Variants in BTG4 observed in about 807,000 individuals in gnomAD.
BTG4 encodes the protein protein BTG4.
In BTG4, 10 loss-of-function variants were observed where a neutral mutation model predicts 19.3. That is an observed-to-expected ratio of 0.52 (90% CI 0.32 to 0.88). BTG4 has a LOEUF of 0.88. Ranked by LOEUF, BTG4 falls within the 40% of genes least tolerant of loss-of-function variation. BTG4 has a pLI of 0.04. For missense variants in BTG4, 238 were observed against 281.9 expected (o/e 0.84, Z 1.11); for synonymous variants, 91 against 95.7 (o/e 0.95, Z 0.29).
At chr11:111,513,087 A>T, upstream of BTG4, 1 of 436,380 alleles carries the variant, frequency 2.3e-6, no homozygotes, top group Middle Eastern at 5.2e-4. Flanking sequence ...TCGAGAGAAG[A>T]TGCCTGAGAA....
intron 1 of BTG4, among the ~76,000 whole-genome samples, chr11:111,506,953 T>A (rs1262389939): frequency 2.6e-5 from 4 of 152,048 alleles, no homozygotes; most frequent in African/African-American, 7.2e-5. Flanking sequence ...AAGGACAATG[T>A]GAACTTTACT....
At chr11:111,420,929 A>G in the BTG4 span, among the ~76,000 whole-genome samples, 92 of 152,354 alleles carry the variant, frequency 6.0e-4, no homozygotes, top group African/African-American at 2.1e-3. Context: ...ATGGAACACA[A>G]TCTTGGAGGT....
chr11:111,495,367 A>G, intron 4 of BTG4, 53 bp from the exon 5 acceptor site: 1 of 1,458,410 alleles, frequency 6.9e-7, no homozygotes, highest in Admixed American at 1.9e-5. Flanking sequence ...AGGACTAAAT[A>G]TGAACCCATA....
chr11:111,497,148 G>A, intron 4 of BTG4, 63 bp downstream of exon 4: 1 of 1,401,754 alleles, frequency 7.1e-7, no homozygotes, highest in Non-Finnish European at 9.9e-7. Flanking sequence ...TTTTCATAAT[G>A]AGTGCATTCT....
the BTG4 span, among the ~76,000 whole-genome samples, chr11:111,429,340 G>C: frequency 6.6e-6 from 1 of 152,132 alleles, no homozygotes; most frequent in Non-Finnish European, 1.5e-5. Flanking sequence ...GGCAATAAAT[G>C]GGTAACTGGC....
intron 5 of BTG4, chr11:111,475,126 T>C (rs1411471921): frequency 6.6e-6 from 1 of 152,648 alleles, no homozygotes; most frequent in African/African-American, 2.4e-5. Context: ...TAATCTCATT[T>C]CAGTCTGCAT....
At chr11:111,392,001 A>G in the BTG4 span, among the ~76,000 whole-genome samples, 1 of 152,084 alleles carries the variant, frequency 6.6e-6, no homozygotes, top group Non-Finnish European at 1.5e-5. Context: ...CACTCAATAA[A>G]TGTTTGCTGG....
intron 5 of BTG4, among the ~76,000 whole-genome samples, chr11:111,486,357 C>T (rs894986312): frequency 2.6e-5 from 4 of 152,096 alleles, no homozygotes; most frequent in Non-Finnish European, 5.9e-5. Flanking sequence ...ATTGCTTGAG[C>T]CTGGGAGGCA....
At chr11:111,459,729 C>T in the BTG4 span, 1 of 152,640 alleles carries the variant, frequency 6.6e-6, no homozygotes, top group Non-Finnish European at 1.5e-5. Context: ...GGGCATGGAG[C>T]ATGATGAGAA....
At chr11:111,511,746 G>A (rs1405029532) in intron 1 of BTG4, among the ~76,000 whole-genome samples, 1 of 152,082 alleles carries the variant, frequency 6.6e-6, no homozygotes, top group East Asian at 1.9e-4. Flanking sequence ...CTGTTTTTCT[G>A]GCATCCACAG....
intron 5 of BTG4, among the ~76,000 whole-genome samples, chr11:111,468,275 T>C (rs902453145): frequency 9.2e-5 from 14 of 152,348 alleles, no homozygotes; most frequent in African/African-American, 3.4e-4. Context: ...TCCCATTTTA[T>C]GGATGGGTAA....
At chr11:111,512,907 A>G (rs1673620078), upstream of BTG4, 1 of 433,822 alleles carries the variant, frequency 2.3e-6, no homozygotes, top group Non-Finnish European at 4.7e-6. Context: ...GGCGCTGCGG[A>G]CCGTCCGGGA....
At chr11:111,499,192 T>C (rs1391874106) in intron 1 of BTG4, among the ~76,000 whole-genome samples, 1 of 152,226 alleles carries the variant, frequency 6.6e-6, no homozygotes, top group Non-Finnish European at 1.5e-5. Context: ...TTCCAAAATG[T>C]GGCTCCAAGT....
At chr11:111,462,586 T>C (rs1863463058), downstream of BTG4, among the ~76,000 whole-genome samples, 2 of 152,210 alleles carry the variant, frequency 1.3e-5, no homozygotes, top group African/African-American at 4.8e-5. Context: ...ACCTGCAGGT[T>C]CCCCTGACTC....
In BTG4 at chr11:111,512,246, G is replaced by T. The variant is rs971364490; in HGVS notation, c.-92C>A. 1 of 152,264 alleles carries T rather than the reference G, an allele frequency of 6.6e-6. No individual in the cohort carries two copies. The highest frequency in any genetic ancestry group is 1.5e-5 in the Non-Finnish European group (1 of 68,074). 9.4% of individuals were successfully genotyped at this position (152,264 alleles called of 1,614,324 possible). ...TGGGTAGGCTGGGGGCCTTCTTGGG[G>T]AATGAGGGAGTGGAGGAGCTCTTTG... On this transcript the variant is annotated 5_prime_UTR_variant, in exon 1 of 5. Transcript: ENST00000692032.
At chr11:111,508,733 C>T (rs1438882976) in intron 1 of BTG4, among the ~76,000 whole-genome samples, 1 of 149,842 alleles carries the variant, frequency 6.7e-6, no homozygotes, top group African/African-American at 2.4e-5. Flanking sequence ...TTCATATAAC[C>T]ATCTTGATAT....
Position 111,487,972 on chromosome 11 carries a change from G to A in BTG4, c.662+7191C>T, listed in dbSNP as rs533683986. 3.0e-4 allele frequency among the ~76,000 whole-genome samples: 46 copies of A among 152,062 alleles called. No homozygotes were observed. The Middle Eastern group carries it at 0.014, about 45-fold the overall frequency. ...GAAATTGAAGAGCACACAAAAAATG[G>A]AGACGTTCCATGTTCATGGACTGGA... On this transcript the variant is annotated intron_variant, in intron 5 of 5. Transcript: ENST00000356018.
At chr11:111,485,682 T>C (rs1944123) in intron 5 of BTG4, among the ~76,000 whole-genome samples, 51,894 of 151,908 alleles carry the variant, frequency 0.34, 9,016 homozygotes, top group Middle Eastern at 0.4. Context: ...CAATGCATCC[T>C]TGAAGAACTA....
the BTG4 span, among the ~76,000 whole-genome samples, chr11:111,447,557 A>G: frequency 6.6e-6 from 1 of 152,172 alleles, no homozygotes; most frequent in African/African-American, 2.4e-5. Flanking sequence ...GCCCTCACTA[A>G]GCCCAGTTAT....
Sources: allele counts gnomAD v4.1 joint callset (sites outside exome capture counted in the v4.1 genomes callset), GRCh38; gene constraint gnomAD v4.1.1; transcripts MANE v1.5; gene names NCBI Gene and HGNC (gene_info 2026-07-23, HGNC 2026-07-21).